Variants in HECW2 observed in about 807,000 individuals in gnomAD.
HECW2 encodes the protein HECT, C2 and WW domain containing E3 ubiquitin protein ligase 2.
A neutral mutation model predicts 175.2 loss-of-function variants in HECW2; 61 were observed. That is an observed-to-expected ratio of 0.35 (90% confidence interval 0.28 to 0.43). HECW2 has a LOEUF of 0.43. Ranked by LOEUF, HECW2 falls within the 20% of genes least tolerant of loss-of-function variation. The pLI, the probability that HECW2 is intolerant of heterozygous loss-of-function variation, is 1.00. For synonymous variants in HECW2, 671 were observed against 731.0 expected, an observed-to-expected ratio of 0.92 and a Z score of 1.32; for missense variants, 1,524 against 2,000.5, an observed-to-expected ratio of 0.76 and a Z score of 4.54.
chr2:196,258,052 T>C, intron 17 of HECW2, 146 bp from the exon 18 acceptor site: 1 of 594,320 alleles, frequency 1.7e-6, no homozygotes, highest in Non-Finnish European at 3.0e-6. Context: ...GGAATACACA[T>C]CCAAGAGAGA....
intron 2 of HECW2, among the ~76,000 whole-genome samples, chr2:196,354,983 A>G (rs986442939): frequency 6.6e-6 from 1 of 152,196 alleles, no homozygotes; most frequent in East Asian, 1.9e-4. Context: ...TTTTTTCCCC[A>G]AACTGAATGT....
At chr2:196,351,125 A>T (rs1210865979) in intron 2 of HECW2, among the ~76,000 whole-genome samples, 1 of 152,168 alleles carries the variant, frequency 6.6e-6, no homozygotes, top group African/African-American at 2.4e-5. Context: ...GGAAAAGTTG[A>T]TAATTATATT....
chr2:196,547,428 G>T (rs528195550), intron 1 of HECW2, among the ~76,000 whole-genome samples: 1 of 152,174 alleles, frequency 6.6e-6, no homozygotes, highest in Admixed American at 6.5e-5. Context: ...CTTAAACAAT[G>T]CAAGGAACAC....
chr2:196,514,911 G>A (rs953448055), intron 1 of HECW2, among the ~76,000 whole-genome samples: 8 of 152,280 alleles, frequency 5.3e-5, no homozygotes, highest in South Asian at 4.1e-4. Context: ...GACTAAAAGC[G>A]CTGTAACACA....
intron 1 of HECW2, among the ~76,000 whole-genome samples, chr2:196,591,880 G>T (rs1170318801): frequency 2.0e-5 from 3 of 152,176 alleles, no homozygotes; most frequent in Middle Eastern, 3.4e-3. Flanking sequence ...GTCAATAACT[G>T]ATCTTTCTTT....
intron 14 of HECW2, chr2:196,289,025 T>C (rs1018906687): frequency 1.3e-5 from 2 of 152,280 alleles, no homozygotes; most frequent in African/African-American, 4.8e-5. Flanking sequence ...GAGCACTAAA[T>C]GAACTAGTGT....
chr2:196,294,305 G>A (rs73988143), intron 13 of HECW2, among the ~76,000 whole-genome samples: 1 of 152,108 alleles, frequency 6.6e-6, no homozygotes, highest in Non-Finnish European at 1.5e-5. Flanking sequence ...AATCATCAGA[G>A]GGAATATGAT....
chr2:196,386,507 C>G (rs940184685), intron 2 of HECW2, among the ~76,000 whole-genome samples: 1 of 152,204 alleles, frequency 6.6e-6, no homozygotes. Context: ...TGTAAAGAAG[C>G]AGACCACCTG....
At chr2:196,295,469 A>C (rs555478322) in intron 13 of HECW2, among the ~76,000 whole-genome samples, 5 of 152,358 alleles carry the variant, frequency 3.3e-5, no homozygotes, top group South Asian at 2.1e-4. Flanking sequence ...TTGTGTAGGG[A>C]TCATAATGAG....
chr2:196,500,234 G>A (rs562871539), intron 1 of HECW2, among the ~76,000 whole-genome samples: 2 of 152,210 alleles, frequency 1.3e-5, no homozygotes, highest in South Asian at 4.1e-4. Flanking sequence ...TTTTTTAGTA[G>A]ATACAACTCT....
rs200874055 is a variant in HECW2 at position 196,292,558 on chromosome 2, G to C, written c.3000+7C>G. On this transcript the variant is annotated splice_region_variant and intron_variant, in intron 14 of 28. Transcript: ENST00000644978. ...TGGCACTCCCTGAGGCATCTCCCTC[G>C]TGTTACCTTGCCCTGGTGATCATGT... 1.9e-6 allele frequency: 3 copies of C among 1,609,228 alleles called. No homozygotes were observed. In the South Asian group the frequency reaches 3.3e-5, roughly 18 times the overall value.
At chr2:196,425,048 T>C (rs1204627077) in intron 2 of HECW2, among the ~76,000 whole-genome samples, 1 of 152,112 alleles carries the variant, frequency 6.6e-6, no homozygotes, top group Non-Finnish European at 1.5e-5. Context: ...CCAATGCTCA[T>C]TTACCATTCC....
chr2:196,257,628 A>G (rs1011774422), intron 18 of HECW2, 195 bp downstream of exon 18: 2 of 578,658 alleles, frequency 3.5e-6, no homozygotes, highest in Non-Finnish European at 6.1e-6. Context: ...AATTAAACAG[A>G]TCTCAGTGTA....
intron 2 of HECW2, chr2:196,361,680 A>G: frequency 2.5e-6 from 1 of 395,722 alleles, no homozygotes; most frequent in Non-Finnish European, 3.4e-6. Context: ...ATTGTCCCTC[A>G]GCCAGCTGGG....
intron 15 of HECW2, among the ~76,000 whole-genome samples, chr2:196,277,100 C>A (rs996412063): frequency 6.6e-6 from 1 of 152,070 alleles, no homozygotes; most frequent in Non-Finnish European, 1.5e-5. Context: ...AAATCATAAG[C>A]CCATATGAAG....
intron 2 of HECW2, among the ~76,000 whole-genome samples, chr2:196,369,102 T>C (rs1205534508): frequency 6.6e-6 from 1 of 152,126 alleles, no homozygotes; most frequent in Non-Finnish European, 1.5e-5. Flanking sequence ...CTGGGCTTGT[T>C]TGTGCCTGTC....
chr2:196,393,104 C>T (rs1367613978), intron 2 of HECW2, among the ~76,000 whole-genome samples: 1 of 152,186 alleles, frequency 6.6e-6, no homozygotes, highest in East Asian at 1.9e-4. Flanking sequence ...ATGTAGAAAG[C>T]TGAAACTGGA....
intron 15 of HECW2, among the ~76,000 whole-genome samples, chr2:196,277,613 A>G (rs1426654539): frequency 6.6e-6 from 1 of 152,184 alleles, no homozygotes; most frequent in Non-Finnish European, 1.5e-5. Context: ...TGACCCAGCC[A>G]TCCCATTACT....
intron 3 of HECW2, among the ~76,000 whole-genome samples, chr2:196,338,213 T>C (rs1559051457): frequency 6.6e-6 from 1 of 151,940 alleles, no homozygotes; most frequent in Non-Finnish European, 1.5e-5. Flanking sequence ...AGTAAAGGGG[T>C]TTCTGTAACT....
Sources: allele counts gnomAD v4.1 joint callset (sites outside exome capture counted in the v4.1 genomes callset), GRCh38; gene constraint gnomAD v4.1.1; transcripts MANE v1.5; gene names NCBI Gene and HGNC (gene_info 2026-07-23, HGNC 2026-07-21).